The following NAV2 variants were observed in gnomAD, a reference collection of about 807,000 sequenced individuals.
The protein encoded by NAV2 is helicase, APC down-regulated 1.
A neutral mutation model predicts 223.2 loss-of-function variants in NAV2; 54 were observed. That is an observed-to-expected ratio of 0.24 (90% CI 0.19 to 0.30). The LOEUF (loss-of-function observed/expected upper bound fraction) is 0.30. Among genes scored for constraint, NAV2 ranks in the 10% least tolerant of loss-of-function variants. The probability of loss-of-function intolerance (pLI) is 1.00; values close to 1 mark genes in which losing one functional copy is unlikely to be tolerated. For missense variants in NAV2, 2,806 were observed against 3,147.5 expected, an observed-to-expected ratio of 0.89 and a Z score of 2.60; for synonymous variants, 1,279 against 1,239.3, an observed-to-expected ratio of 1.03 and a Z score of -0.67.
chr11:19,403,909 A>G (rs1258967658), intron 1 of NAV2, among the ~76,000 whole-genome samples: 1 of 144,644 alleles, frequency 6.9e-6, no homozygotes, highest in Admixed American at 7.1e-5. Flanking sequence ...GCCCAAGGGA[A>G]GTGAAGACTC....
intron 1 of NAV2, among the ~76,000 whole-genome samples, chr11:19,369,973 TTTTCCTCTTAATAATAAACAG>T (rs1165779857): frequency 6.6e-6 from 1 of 152,132 alleles, no homozygotes; most frequent in African/African-American, 2.4e-5. Flanking sequence ...AGCTAAGAAG[TTTTCCTCTTAATAATAAACAG>T]TTGAAGATGG....
chr11:19,887,967 C>T (rs1310573467), intron 5 of NAV2, among the ~76,000 whole-genome samples: 1 of 148,328 alleles, frequency 6.7e-6, no homozygotes, highest in East Asian at 2.0e-4. Flanking sequence ...TTTTTGCCAT[C>T]AGCACGTACA....
chr11:19,834,404 T>TA (rs2060121595), intron 2 of NAV2, among the ~76,000 whole-genome samples: 2 of 152,232 alleles, frequency 1.3e-5, no homozygotes, highest in Admixed American at 1.3e-4. Flanking sequence ...ATTATATTAC[T>TA]TTTTACTCCA....
chr11:20,091,774 A>G (rs1470865920), intron 27 of NAV2, among the ~76,000 whole-genome samples: 1 of 152,200 alleles, frequency 6.6e-6, no homozygotes, highest in Admixed American at 6.5e-5. Context: ...AAGCTCTATG[A>G]AAGGAGAATA....
At chr11:19,369,466 TGA>T (rs1481215836) in intron 1 of NAV2, among the ~76,000 whole-genome samples, 1 of 152,236 alleles carries the variant, frequency 6.6e-6, no homozygotes, top group African/African-American at 2.4e-5. Context: ...TCACTTAATG[TGA>T]TTTCTTTTTA....
At chr11:19,371,767 GTTTTT>G (rs9299953) in intron 1 of NAV2, among the ~76,000 whole-genome samples, 4 of 96,956 alleles carry the variant, frequency 4.1e-5, no homozygotes, top group South Asian at 4.1e-4. Context: ...TCTGTATCAG[GTTTTT>G]TTTTTTTTTT....
intron 1 of NAV2, among the ~76,000 whole-genome samples, chr11:19,428,442 G>C (rs777693743): frequency 1.3e-5 from 2 of 152,208 alleles, no homozygotes; most frequent in Admixed American, 6.5e-5. Context: ...ATTCAAGCTA[G>C]TGTACCTTCT....
intron 11 of NAV2, among the ~76,000 whole-genome samples, chr11:20,009,511 G>A (rs2053390991): frequency 6.6e-6 from 1 of 152,186 alleles, no homozygotes; most frequent in South Asian, 2.1e-4. Context: ...CTTTGTCAGA[G>A]AAATTAGATA....
At position 19,749,476 on chromosome 11, in the gene NAV2, C is replaced by G. The variant is rs956583485; in HGVS notation, c.267+35514C>G. ...TAGAGGCAGCCAGTAATTAAGCTCA[C>G]CTGTCAGAGTTTAGATTCAGTCAGA... On this transcript the variant is annotated intron_variant, in intron 1 of 37. Coordinates refer to ENST00000349880, the MANE Select transcript of NAV2 (RefSeq NM_145117.5). 3.9e-5 allele frequency among the ~76,000 whole-genome samples: 6 copies of G among 152,296 alleles called. No individual in the cohort carries two copies. The East Asian group carries it at 1.2e-3, about 29-fold the overall frequency.
upstream of NAV2, among the ~76,000 whole-genome samples, chr11:19,346,469 C>A (rs528420989): frequency 6.6e-6 from 1 of 152,182 alleles, no homozygotes. Context: ...AGGGGGCGCC[C>A]GAGCACTGGG....
intron 10 of NAV2, among the ~76,000 whole-genome samples, chr11:19,951,582 T>TGAAG (rs2047400639): frequency 6.6e-6 from 1 of 152,232 alleles, no homozygotes; most frequent in South Asian, 2.1e-4. Flanking sequence ...TATCCTGTAA[T>TGAAG]AGTTGATTTT....
At chr11:19,607,046 AG>A (rs1380655387) in intron 1 of NAV2, among the ~76,000 whole-genome samples, 1 of 152,222 alleles carries the variant, frequency 6.6e-6, no homozygotes, top group Non-Finnish European at 1.5e-5. Flanking sequence ...AAGGAAAAGA[AG>A]GGTCTGCTTA....
intron 1 of NAV2, among the ~76,000 whole-genome samples, chr11:19,378,342 AC>A (rs1009324110): frequency 6.7e-6 from 1 of 148,780 alleles, no homozygotes; most frequent in Non-Finnish European, 1.5e-5. Flanking sequence ...TTTCTTTATT[AC>A]CCCCCTGCCC....
At chr11:19,747,647 G>A (rs1017980622) in intron 1 of NAV2, among the ~76,000 whole-genome samples, 4 of 152,166 alleles carry the variant, frequency 2.6e-5, no homozygotes, top group African/African-American at 7.2e-5. Context: ...TGCAGGGGAG[G>A]CAAATCTGCT....
At chr11:19,444,587 C>G (rs1019388405) in intron 1 of NAV2, among the ~76,000 whole-genome samples, 8 of 152,192 alleles carry the variant, frequency 5.3e-5, no homozygotes, top group African/African-American at 1.9e-4. Context: ...TCCCCTCACT[C>G]TATCATTGAA....
chr11:19,560,594 G>A (rs989029310), intron 1 of NAV2, among the ~76,000 whole-genome samples: 3 of 152,206 alleles, frequency 2.0e-5, no homozygotes, highest in African/African-American at 7.2e-5. Flanking sequence ...ACAACATGCT[G>A]TGAATATAAG....
intron 1 of NAV2, among the ~76,000 whole-genome samples, chr11:19,673,781 C>T (rs1212212379): frequency 3.3e-5 from 5 of 152,126 alleles, no homozygotes; most frequent in Non-Finnish European, 5.9e-5. Flanking sequence ...AATCTAGGCA[C>T]AGTAGTGAAT....
intron 36 of NAV2, 88 bp from the exon 37 acceptor site, chr11:20,114,504 T>A (rs2062889029): frequency 8.5e-7 from 1 of 1,179,080 alleles, no homozygotes; most frequent in Non-Finnish European, 1.2e-6. Context: ...GATGCTGGAT[T>A]TGGGGAGTTT....
intron 1 of NAV2, among the ~76,000 whole-genome samples, chr11:19,588,222 C>T (rs2045955731): frequency 6.6e-6 from 1 of 152,222 alleles, no homozygotes; most frequent in Non-Finnish European, 1.5e-5. Flanking sequence ...AAATGTTCCT[C>T]CTCCTGCTCC....
Sources: gnomAD v4.1 joint callset for allele counts (sites outside exome capture counted in the v4.1 genomes callset) on GRCh38, gnomAD v4.1.1 for gene constraint, MANE v1.5 for transcripts, NCBI Gene and HGNC (gene_info 2026-07-23, HGNC 2026-07-21) for gene names.